The following SLC26A8 variants were observed in gnomAD, a reference collection of about 807,000 sequenced individuals.
SLC26A8 encodes testis anion transporter 1.
Under a neutral mutation model 105.0 loss-of-function variants are expected in SLC26A8, and 70 were observed. That is an observed-to-expected ratio of 0.67 (90% CI 0.55 to 0.81). SLC26A8 has a LOEUF of 0.81. SLC26A8 is among the 40% of genes least tolerant of loss of function. The pLI is 0.00. For synonymous variants in SLC26A8, 415 were observed against 438.3 expected, an observed-to-expected ratio of 0.95 and a Z score of 0.66; for missense variants, 998 against 1,181.8, an observed-to-expected ratio of 0.84 and a Z score of 2.28.
chr6:36,014,696 A>G (rs111541453), intron 2 of SLC26A8, among the ~76,000 whole-genome samples: 6,623 of 152,156 alleles, frequency 0.044, 406 homozygotes, highest in African/African-American at 0.13. Context: ...CCTGGCCAAT[A>G]TGGCGAAACC....
At chr6:35,982,415 G>A (rs973443894) in intron 7 of SLC26A8, among the ~76,000 whole-genome samples, 2 of 152,180 alleles carry the variant, frequency 1.3e-5, no homozygotes, top group African/African-American at 4.8e-5. Context: ...GGTTCTCTAA[G>A]CCAGAGTGCA....
intron 8 of SLC26A8, among the ~76,000 whole-genome samples, chr6:35,977,910 C>A (rs1254082275): frequency 6.6e-6 from 1 of 151,846 alleles, no homozygotes; most frequent in East Asian, 1.9e-4. Context: ...CATGGTGAAA[C>A]CTTATCTCTA....
rs190881841 is a variant in SLC26A8, at chr6:35,999,094, C to T, written c.445+898G>A. Among the ~76,000 whole-genome samples the T allele has an allele frequency of 3.0e-3, 464 of 152,196 alleles. 3 individuals carry two copies. Among genetic ancestry groups the T allele is most frequent in the African/African-American group, 0.011 (454 of 41,510 alleles). The stretch of plus-strand genomic sequence containing the variant: ...TATTTTTAGTAGAGGTGGGGTTTCA[C>T]TATGTTAGCCAGGCTGGTCTCAAAC... On this transcript the variant is annotated intron_variant, in intron 4 of 19. Coordinates refer to ENST00000490799, the MANE Select transcript of SLC26A8 (RefSeq NM_052961.4).
At chr6:35,960,944 A>G in intron 13 of SLC26A8, 32 bp from the exon 14 acceptor site, 1 of 1,614,046 alleles carries the variant, frequency 6.2e-7, no homozygotes, top group Non-Finnish European at 8.5e-7. Flanking sequence ...TTTAGGTCAG[A>G]GTTGGCTTAC....
At position 35,944,246 on chromosome 6, in the gene SLC26A8, T is replaced by C. The variant is rs115757327; in HGVS notation, c.2567A>G (p.Glu856Gly). 2.7e-5 allele frequency: 43 copies of C among 1,614,106 alleles called. No individual in the cohort carries two copies. Among genetic ancestry groups the C allele is most frequent in the Non-Finnish European group, 3.6e-5 (42 of 1,179,996 alleles). ...CAGCTCCAAATCCAACTCCGACTCC[T>C]CTTCTACAGGCTGTTGGATCTTGAT... ...GFIKIQQPVEEESELDLELES... is the reference protein window; with the variant it reads ...GFIKIQQPVEGESELDLELES... The change falls in exon 20 of 20, where the codon GAG (glutamate) becomes GGG (glycine). Residue 856 changes from glutamate (E) to glycine (G), a missense_variant. Coordinates refer to ENST00000490799, the MANE Select transcript of SLC26A8 (RefSeq NM_052961.4).
In SLC26A8 at chr6:35,943,717, G is replaced by T. The variant is rs1267730148; in HGVS notation, c.*183C>A. On this transcript the variant is annotated 3_prime_UTR_variant, in exon 20 of 20. Transcript: ENST00000490799. ...ATTCAGAGATAATTGTTGGCATTTA[G>T]TAATGTGATTTGGGAGTATGATCCC... 203 of 784,842 alleles carry T rather than the reference G, an allele frequency of 2.6e-4. No homozygotes were observed. The highest frequency in any genetic ancestry group is 1.9e-6 in the Non-Finnish European group (1 of 515,722). The allele number at this position is 784,842 out of a possible 1,614,324, so 48.6% of individuals were successfully genotyped here.
chr6:35,955,043 A>T (rs1360839921), intron 17 of SLC26A8, 109 bp downstream of exon 17: 2 of 1,306,296 alleles, frequency 1.5e-6, no homozygotes, highest in East Asian at 2.3e-5. Flanking sequence ...GTGGCCTAGC[A>T]GTCTCATAGC....
At chr6:35,964,055 T>C (rs376290532) in intron 11 of SLC26A8, among the ~76,000 whole-genome samples, 1 of 151,464 alleles carries the variant, frequency 6.6e-6, no homozygotes, top group Non-Finnish European at 1.5e-5. Context: ...ACAAAAAACA[T>C]AAAATTAGCC....
intron 16 of SLC26A8, among the ~76,000 whole-genome samples, chr6:35,957,594 T>C (rs535671686): frequency 2.6e-4 from 38 of 147,884 alleles, no homozygotes; most frequent in African/African-American, 8.6e-4. Flanking sequence ...GAGGGAATTC[T>C]CTGAGAGCCA....
At chr6:36,010,085 T>C (rs2395649) in intron 3 of SLC26A8, among the ~76,000 whole-genome samples, 70,669 of 151,996 alleles carry the variant, frequency 0.46, 17,860 homozygotes, top group African/African-American at 0.68. Flanking sequence ...ATGTGACCAG[T>C]GATCCAGCTC....
At chr6:35,975,317 C>T (rs1044881285) in intron 10 of SLC26A8, 58 bp downstream of exon 10, 95 of 961,324 alleles carry the variant, frequency 9.9e-5, no homozygotes, top group Admixed American at 4.1e-4. Flanking sequence ...TCTGAATATA[C>T]ATATGAATTG....
intron 17 of SLC26A8, among the ~76,000 whole-genome samples, chr6:35,952,892 T>C (rs560526669): frequency 6.6e-6 from 1 of 151,832 alleles, no homozygotes; most frequent in South Asian, 2.1e-4. Context: ...TGTGCGCCTG[T>C]AGTCCCAGCT....
intron 10 of SLC26A8, among the ~76,000 whole-genome samples, chr6:35,970,901 G>A (rs551370625): frequency 9.9e-5 from 15 of 152,098 alleles, no homozygotes; most frequent in Admixed American, 4.6e-4. Flanking sequence ...AGTGGCAGGC[G>A]CCTGTAATCC....
intron 19 of SLC26A8, among the ~76,000 whole-genome samples, chr6:35,944,836 C>T (rs749488446): frequency 3.1e-4 from 47 of 152,070 alleles, no homozygotes; most frequent in Non-Finnish European, 5.7e-4. Flanking sequence ...TTGCCTAAAT[C>T]TACTTTTCTG....
intron 3 of SLC26A8, among the ~76,000 whole-genome samples, chr6:36,006,856 A>G (rs897677795): frequency 6.6e-6 from 1 of 152,268 alleles, no homozygotes; most frequent in South Asian, 2.1e-4. Context: ...AATTAATGTA[A>G]CCTGCCATAT....
intron 19 of SLC26A8, 62 bp from the exon 20 acceptor site, chr6:35,944,402 G>T: frequency 8.5e-7 from 1 of 1,177,952 alleles, no homozygotes; most frequent in Non-Finnish European, 1.2e-6. Context: ...TGAACGCAGT[G>T]GCTCATACCT....
intron 11 of SLC26A8, among the ~76,000 whole-genome samples, chr6:35,968,421 A>G (rs2127308554): frequency 6.6e-6 from 1 of 151,792 alleles, no homozygotes; most frequent in East Asian, 1.9e-4. Context: ...CTGGGATTAC[A>G]GGCGGTGCCC....
At chr6:36,000,177 G>T in intron 3 of SLC26A8, 69 bp from the exon 4 acceptor site, 1 of 1,006,464 alleles carries the variant, frequency 9.9e-7, no homozygotes, top group Non-Finnish European at 1.6e-6. Flanking sequence ...AAACTGTAAA[G>T]AATATTTAAA....
At chr6:35,999,672 A>G (rs1761464021) in intron 4 of SLC26A8, among the ~76,000 whole-genome samples, 1 of 152,186 alleles carries the variant, frequency 6.6e-6, no homozygotes, top group Non-Finnish European at 1.5e-5. Flanking sequence ...TATCTGCTCT[A>G]GGAGTATTGA....
Sources: gnomAD v4.1 joint callset for allele counts (sites outside exome capture counted in the v4.1 genomes callset) on GRCh38, gnomAD v4.1.1 for gene constraint, MANE v1.5 for transcripts, NCBI Gene and HGNC (gene_info 2026-07-23, HGNC 2026-07-21) for gene names.